Variants in AOPEP observed in about 807,000 individuals in gnomAD.
AOPEP encodes aminopeptidase O (putative), also known as aminopeptidase O.
Under a neutral mutation model 98.1 loss-of-function variants are expected in AOPEP, and 77 were observed. The observed-to-expected ratio is 0.78, with a 90% CI of 0.65 to 0.95. The LOEUF is 0.95. Among genes scored for constraint, AOPEP ranks in the 40% least tolerant of loss-of-function variants. The pLI is 0.00. For missense variants in AOPEP, 1,024 were observed against 1,024.7 expected (o/e 1.00, Z 0.01); for synonymous variants, 346 against 365.3 (o/e 0.95, Z 0.60).
the AOPEP span, among the ~76,000 whole-genome samples, chr9:95,094,900 G>A: frequency 6.6e-6 from 1 of 152,110 alleles, no homozygotes; most frequent in Non-Finnish European, 1.5e-5. Flanking sequence ...TCCTGACCTC[G>A]TGATCTGCCT....
At chr9:94,839,427 G>A (rs2042030572) in intron 5 of AOPEP, among the ~76,000 whole-genome samples, 1 of 152,064 alleles carries the variant, frequency 6.6e-6, no homozygotes, top group South Asian at 2.1e-4. Flanking sequence ...GTTTCACTAT[G>A]TTGGCCAGGA....
At chr9:94,826,354 C>T (rs1310456505) in intron 5 of AOPEP, among the ~76,000 whole-genome samples, 1 of 152,174 alleles carries the variant, frequency 6.6e-6, no homozygotes, top group African/African-American at 2.4e-5. Context: ...TCCCTCTGGC[C>T]CTACATGTTG....
chr9:95,107,001 A>G, the AOPEP span: 14 of 1,517,384 alleles, frequency 9.2e-6, no homozygotes, highest in Non-Finnish European at 1.3e-5. Flanking sequence ...ACCCTCGGAC[A>G]GGTAACCCAC....
intron 5 of AOPEP, among the ~76,000 whole-genome samples, chr9:94,898,577 G>A (rs940413802): frequency 1.3e-5 from 2 of 151,260 alleles, no homozygotes; most frequent in Non-Finnish European, 2.9e-5. Context: ...AGCTTGCAGT[G>A]AGCCAGATCG....
At chr9:94,793,628 G>C (rs1846255728) in intron 4 of AOPEP, among the ~76,000 whole-genome samples, 1 of 151,448 alleles carries the variant, frequency 6.6e-6, no homozygotes, top group Non-Finnish European at 1.5e-5. Flanking sequence ...AGTGAGCCAA[G>C]ATTGCGCCAC....
chr9:94,974,232 C>G (rs2059701542), intron 10 of AOPEP, among the ~76,000 whole-genome samples: 1 of 152,174 alleles, frequency 6.6e-6, no homozygotes, highest in South Asian at 2.1e-4. Flanking sequence ...GGAATTAATG[C>G]TTTCATCTTT....
intron 10 of AOPEP, among the ~76,000 whole-genome samples, chr9:94,976,047 C>T (rs1321079874): frequency 6.6e-6 from 1 of 152,212 alleles, no homozygotes; most frequent in Non-Finnish European, 1.5e-5. Flanking sequence ...TGCACCTCCT[C>T]TTGTCCTGTT....
At chr9:94,843,275 C>G (rs1044759832) in intron 5 of AOPEP, among the ~76,000 whole-genome samples, 2 of 152,200 alleles carry the variant, frequency 1.3e-5, no homozygotes, top group Non-Finnish European at 2.9e-5. Flanking sequence ...CCCCACCCCA[C>G]TTTCCTGCTG....
At chr9:94,879,976 A>C (rs899771888) in intron 5 of AOPEP, among the ~76,000 whole-genome samples, 1 of 152,248 alleles carries the variant, frequency 6.6e-6, no homozygotes, top group Non-Finnish European at 1.5e-5. Context: ...TCCACGCTTA[A>C]CATTGAATTT....
At chr9:94,928,869 A>G (rs1441098957) in intron 7 of AOPEP, 1 of 218,564 alleles carries the variant, frequency 4.6e-6, no homozygotes, top group African/African-American at 2.3e-5. Context: ...TAAACCTATA[A>G]AGCCAAAGGG....
chr9:94,783,274 C>G (rs192308412), intron 3 of AOPEP, among the ~76,000 whole-genome samples: 47 of 152,302 alleles, frequency 3.1e-4, no homozygotes, highest in Non-Finnish European at 6.0e-4. Context: ...GAAGGTCATT[C>G]TCTCTTGCCT....
At chr9:94,838,683 G>A (rs1420824060) in intron 5 of AOPEP, among the ~76,000 whole-genome samples, 1 of 152,136 alleles carries the variant, frequency 6.6e-6, no homozygotes, top group East Asian at 1.9e-4. Flanking sequence ...GGAAAGAGTT[G>A]ACATCTTGAC....
intron 1 of AOPEP, among the ~76,000 whole-genome samples, chr9:94,733,806 C>T (rs1831118510): frequency 6.6e-6 from 1 of 152,114 alleles, no homozygotes; most frequent in South Asian, 2.1e-4. Context: ...TTTTCAATTT[C>T]CAGGAATTTG....
intron 11 of AOPEP, among the ~76,000 whole-genome samples, chr9:95,002,532 C>T (rs1468146093): frequency 2.6e-5 from 4 of 152,108 alleles, no homozygotes; most frequent in Non-Finnish European, 5.9e-5. Flanking sequence ...TATACTAATG[C>T]AATATGTTAA....
At chr9:94,735,804 G>C (rs753559335) in intron 1 of AOPEP, among the ~76,000 whole-genome samples, 1 of 152,176 alleles carries the variant, frequency 6.6e-6, no homozygotes, top group Non-Finnish European at 1.5e-5. Flanking sequence ...AGGAATCCCT[G>C]TACTGATTGG....
At chr9:95,032,459 T>C (rs78620526) in intron 13 of AOPEP, among the ~76,000 whole-genome samples, 1,589 of 152,352 alleles carry the variant, frequency 0.01, 31 homozygotes, top group African/African-American at 0.037. Flanking sequence ...TTCAAAGGTA[T>C]TACTGAAACA....
At chr9:94,788,377 A>G (rs879552729) in intron 3 of AOPEP, among the ~76,000 whole-genome samples, 2 of 152,114 alleles carry the variant, frequency 1.3e-5, no homozygotes, top group Non-Finnish European at 2.9e-5. Flanking sequence ...CTTCATTTAT[A>G]TCATTATATT....
intron 1 of AOPEP, among the ~76,000 whole-genome samples, chr9:94,732,839 T>C (rs1373267691): frequency 6.6e-6 from 1 of 152,226 alleles, no homozygotes; most frequent in East Asian, 1.9e-4. Flanking sequence ...CATTACATTC[T>C]GGCAGTTGCT....
chr9:94,942,971 C>T (rs971566495), intron 7 of AOPEP, among the ~76,000 whole-genome samples: 51 of 146,512 alleles, frequency 3.5e-4, no homozygotes, highest in African/African-American at 1.1e-3. Context: ...TGATTCAAAA[C>T]GGATCAAAAA....
Sources: allele counts gnomAD v4.1 joint callset (sites outside exome capture counted in the v4.1 genomes callset), GRCh38; gene constraint gnomAD v4.1.1; transcripts MANE v1.5; gene names NCBI Gene and HGNC (gene_info 2026-07-23, HGNC 2026-07-21).